The following VWA3B variants were observed in gnomAD, a reference collection of about 807,000 sequenced individuals.
The protein encoded by VWA3B is von Willebrand factor A domain containing 3B, also known as von Willebrand factor A domain-containing protein 3B.
Under a neutral mutation model 158.3 loss-of-function variants are expected in VWA3B, and 138 were observed. That is an observed-to-expected ratio of 0.87 (90% CI 0.76 to 1.00). VWA3B has a LOEUF of 1.00. Among genes scored for constraint, VWA3B ranks in the 50% least tolerant of loss-of-function variants. The probability of loss-of-function intolerance (pLI) is 0.00; values close to 1 mark genes in which losing one functional copy is unlikely to be tolerated. For synonymous variants in VWA3B, 596 were observed against 587.3 expected, an observed-to-expected ratio of 1.01 and a Z score of -0.21; for missense variants, 1,555 against 1,565.1, an observed-to-expected ratio of 0.99 and a Z score of 0.11.
chr2:98,284,180 T>C (rs1392645055), intron 22 of VWA3B, among the ~76,000 whole-genome samples: 1 of 152,216 alleles, frequency 6.6e-6, no homozygotes, highest in Non-Finnish European at 1.5e-5. Context: ...CTGCAGAGGC[T>C]ACAAGCAACG....
At chr2:98,282,932 G>C (rs1688967996) in intron 22 of VWA3B, among the ~76,000 whole-genome samples, 1 of 152,214 alleles carries the variant, frequency 6.6e-6, no homozygotes, top group Non-Finnish European at 1.5e-5. Context: ...GCAGGGGGAA[G>C]CTCTTCACAG....
intron 7 of VWA3B, among the ~76,000 whole-genome samples, chr2:98,150,014 G>A (rs370242844): frequency 1.5e-4 from 23 of 152,068 alleles, no homozygotes; most frequent in African/African-American, 4.8e-4. Context: ...AAATTGTAAG[G>A]GTGTCTGCAA....
intron 20 of VWA3B, 85 bp from the exon 21 acceptor site, chr2:98,256,039 C>A (rs1687112526): frequency 1.4e-6 from 2 of 1,460,224 alleles, no homozygotes; most frequent in Admixed American, 1.8e-5. Context: ...CTTAGATGGG[C>A]TCCCACTGCG....
intron 19 of VWA3B, among the ~76,000 whole-genome samples, chr2:98,245,757 A>T (rs1163832818): frequency 2.6e-5 from 4 of 152,084 alleles, no homozygotes; most frequent in African/African-American, 9.7e-5. Context: ...CTAACGGGGT[A>T]TTTTTTCCAG....
intron 8 of VWA3B, among the ~76,000 whole-genome samples, chr2:98,167,125 T>C (rs1679148128): frequency 6.6e-6 from 1 of 152,052 alleles, no homozygotes; most frequent in South Asian, 2.1e-4. Flanking sequence ...CCAGGAGAGA[T>C]GGTGGCCAGC....
intron 24 of VWA3B, among the ~76,000 whole-genome samples, chr2:98,298,757 A>T (rs1254056581): frequency 6.6e-6 from 1 of 152,212 alleles, no homozygotes; most frequent in East Asian, 1.9e-4. Context: ...GTGAGAAAGC[A>T]CTCCACAGGG....
Position 98,121,452 on chromosome 2 carries a change from C to T in VWA3B, c.696C>T (p.Asp232=), listed in dbSNP as rs1278237838. The change falls in exon 5 of 28, where the codon GAC becomes GAT. Residue 232 remains aspartate (D), a synonymous_variant. Transcript: ENST00000477737. The part of the protein sequence containing the change: ...RLDALLEAGR[D]KTIESIYYFV... ...ATGCTCTGCTGGAAGCCGGGAGAGA[C>T]AAGACTGTAAGTGCGTGTTCATGGC... 6.2e-7 allele frequency: 1 copy of T among 1,613,770 alleles called. No individual in the cohort carries two copies. Among genetic ancestry groups the T allele is most frequent in the African/African-American group, 1.3e-5 (1 of 75,046 alleles).
intron 8 of VWA3B, among the ~76,000 whole-genome samples, chr2:98,165,088 TA>T (rs1233570561): frequency 6.6e-6 from 1 of 152,168 alleles, no homozygotes; most frequent in Non-Finnish European, 1.5e-5. Flanking sequence ...CTTTCACAAT[TA>T]GGGGAGTTGG....
At chr2:98,194,846 G>A (rs925385819) in intron 12 of VWA3B, among the ~76,000 whole-genome samples, 5 of 152,082 alleles carry the variant, frequency 3.3e-5, no homozygotes, top group South Asian at 2.1e-4. Context: ...GTTGCAAACG[G>A]TATATTGCAG....
intron 13 of VWA3B, among the ~76,000 whole-genome samples, chr2:98,214,257 A>G (rs1269232450): frequency 6.6e-6 from 1 of 151,966 alleles, no homozygotes; most frequent in East Asian, 1.9e-4. Context: ...AATTTGAATC[A>G]CTCATAATTG....
chr2:98,188,052 C>T lies in VWA3B; in HGVS notation c.1389C>T (p.Val463=). ...CTCCCTGGAAGGATGGGAGCTTGGT[C>T]CACGTCAACATTACCAAAGAGAAGT... ...VHAPWKDGSL[V]HVNITKEKCK... The change falls in exon 10 of 28, where the codon GTC becomes GTT. Residue 463 remains valine, a synonymous_variant. Coordinates refer to ENST00000477737, the MANE Select transcript of VWA3B (RefSeq NM_144992.5). The T allele has an allele frequency of 6.2e-7, 1 of 1,613,984 alleles. No individual in the cohort carries two copies. The highest frequency in any genetic ancestry group is 8.5e-7 in the Non-Finnish European group (1 of 1,179,978).
At chr2:98,123,486 G>A (rs1675126269) in intron 5 of VWA3B, among the ~76,000 whole-genome samples, 1 of 152,212 alleles carries the variant, frequency 6.6e-6, no homozygotes, top group Non-Finnish European at 1.5e-5. Context: ...ACCACCGCGG[G>A]CCAGGAAGAC....
chr2:98,102,704 G>A (rs576247645), intron 2 of VWA3B, among the ~76,000 whole-genome samples: 2 of 152,290 alleles, frequency 1.3e-5, no homozygotes, highest in East Asian at 3.9e-4. Context: ...TAACGTCATT[G>A]TCAGGTTTCA....
intron 22 of VWA3B, among the ~76,000 whole-genome samples, chr2:98,276,075 C>G (rs1688503666): frequency 6.6e-6 from 1 of 152,168 alleles, no homozygotes; most frequent in Non-Finnish European, 1.5e-5. Context: ...GAAAGCCACC[C>G]TTGTCTGTTA....
At chr2:98,298,987 C>G (rs185229626) in intron 24 of VWA3B, among the ~76,000 whole-genome samples, 2 of 152,196 alleles carry the variant, frequency 1.3e-5, no homozygotes, top group African/African-American at 4.8e-5. Context: ...CCCTCTGAGC[C>G]GGGGTGGAAA....
At chr2:98,093,348 C>T (rs1573737248) in intron 2 of VWA3B, 60 bp downstream of exon 2, 5 of 1,573,640 alleles carry the variant, frequency 3.2e-6, no homozygotes, top group Middle Eastern at 1.7e-4. Flanking sequence ...GAGGTGGCTG[C>T]ATCAGCTCTG....
chr2:98,154,400 A>G (rs1377205743), intron 7 of VWA3B, among the ~76,000 whole-genome samples: 1 of 152,100 alleles, frequency 6.6e-6, no homozygotes, highest in Non-Finnish European at 1.5e-5. Flanking sequence ...TTAGCTTAAG[A>G]ACTGTCCACC....
chr2:98,230,638 C>T (rs1370564922), intron 16 of VWA3B, among the ~76,000 whole-genome samples: 1 of 152,136 alleles, frequency 6.6e-6, no homozygotes, highest in Non-Finnish European at 1.5e-5. Context: ...GGGAATCCTT[C>T]ATGCTGCCCT....
chr2:98,150,193 A>G (rs1003702596), intron 7 of VWA3B, among the ~76,000 whole-genome samples: 3 of 152,204 alleles, frequency 2.0e-5, no homozygotes, highest in Admixed American at 6.5e-5. Flanking sequence ...ATCATCATGT[A>G]AAAGTATTTA....
Sources: allele counts gnomAD v4.1 joint callset (sites outside exome capture counted in the v4.1 genomes callset), GRCh38; gene constraint gnomAD v4.1.1; transcripts MANE v1.5; gene names NCBI Gene and HGNC (gene_info 2026-07-23, HGNC 2026-07-21).